The following DTHD1 variants were observed in gnomAD, a reference collection of about 807,000 sequenced individuals.
DTHD1 encodes death domain containing 1.
A neutral mutation model predicts 74.8 loss-of-function variants in DTHD1; 59 were observed. That is an observed-to-expected ratio of 0.79 (90% CI 0.64 to 0.98). The LOEUF is 0.98. DTHD1 is among the 50% of genes least tolerant of loss of function. The pLI, the probability that DTHD1 is intolerant of heterozygous loss-of-function variation, is 0.00. For synonymous variants in DTHD1, 365 were observed against 371.1 expected, an observed-to-expected ratio of 0.98 and a Z score of 0.19; for missense variants, 1,051 against 1,065.4, an observed-to-expected ratio of 0.99 and a Z score of 0.19.
At chr4:36,338,063 C>T (rs73806808) in intron 8 of DTHD1, among the ~76,000 whole-genome samples, 3 of 151,944 alleles carry the variant, frequency 2.0e-5, no homozygotes, top group Admixed American at 6.6e-5. Context: ...ATTTATGCAA[C>T]TACCACATTC....
At chr4:36,314,766 TTTTTGC>T (rs1243000360) in intron 7 of DTHD1, among the ~76,000 whole-genome samples, 1 of 141,026 alleles carries the variant, frequency 7.1e-6, no homozygotes, top group Non-Finnish European at 1.6e-5. Flanking sequence ...TTTTTTTTTT[TTTTTGC>T]ATGCAAATTC....
rs73229054 is a variant in DTHD1, at chr4:36,284,538, T to C, written c.834T>C (p.Thr278=). 1,365 of 1,530,584 alleles carry C rather than the reference T, an allele frequency of 8.9e-4. 2 individuals are homozygous for C. The highest frequency in any genetic ancestry group is 1.1e-3 in the Non-Finnish European group (1,242 of 1,144,838). The allele number at this position is 1,530,584 out of a possible 1,614,324, so 94.8% of individuals were successfully genotyped here. Reference sequence around the variant, plus strand: ...TCTCCAAGAAATATATAAATAGTACTCTTCCCAATGATTCAGAGAATATAA... The same window carrying C: ...TCTCCAAGAAATATATAAATAGTACCCTTCCCAATGATTCAGAGAATATAA... ...CDISKKYINS[T]LPNDSENIKH... The change falls in exon 2 of 10, where the codon ACT becomes ACC. Residue 278 remains threonine, a synonymous_variant. Coordinates refer to ENST00000639862, the MANE Select transcript of DTHD1 (RefSeq NM_001170700.3).
At chr4:36,283,891 C>A in intron 1 of DTHD1, 85 bp from the exon 2 acceptor site, 1 of 968,906 alleles carries the variant, frequency 1.0e-6, no homozygotes, top group East Asian at 2.6e-5. Flanking sequence ...AATTATCTTG[C>A]CATGTTTCAT....
At chr4:36,292,750 G>A (rs1352226640) in intron 3 of DTHD1, among the ~76,000 whole-genome samples, 2 of 152,186 alleles carry the variant, frequency 1.3e-5, no homozygotes, top group African/African-American at 2.4e-5. Flanking sequence ...GATTATCCAC[G>A]CATGCTGGGG....
chr4:36,331,494 A>G (rs775089008), intron 8 of DTHD1, among the ~76,000 whole-genome samples: 2 of 152,146 alleles, frequency 1.3e-5, no homozygotes, highest in East Asian at 1.9e-4. Flanking sequence ...GAAAAATACT[A>G]ATTATATATA....
intron 8 of DTHD1, among the ~76,000 whole-genome samples, chr4:36,327,087 C>T (rs1758395691): frequency 6.6e-6 from 1 of 152,024 alleles, no homozygotes; most frequent in South Asian, 2.1e-4. Context: ...CTGTCTCAGC[C>T]TCCCAAGTAG....
At chr4:36,302,300 A>G (rs746917401) in intron 5 of DTHD1, among the ~76,000 whole-genome samples, 7 of 152,206 alleles carry the variant, frequency 4.6e-5, no homozygotes, top group Non-Finnish European at 8.8e-5. Context: ...AAGACTGAGG[A>G]CTACTTAGAT....
chr4:36,299,778 C>T (rs555382346), intron 5 of DTHD1, among the ~76,000 whole-genome samples: 12 of 152,162 alleles, frequency 7.9e-5, no homozygotes, highest in Non-Finnish European at 1.2e-4. Flanking sequence ...GCAAAAATAA[C>T]GCATACCTTA....
intron 8 of DTHD1, among the ~76,000 whole-genome samples, chr4:36,324,111 A>C (rs1267947442): frequency 6.6e-6 from 1 of 152,154 alleles, no homozygotes; most frequent in Non-Finnish European, 1.5e-5. Flanking sequence ...AACCAGTTTA[A>C]TGAGAAGAGA....
intron 7 of DTHD1, among the ~76,000 whole-genome samples, chr4:36,313,257 A>G (rs1014047773): frequency 2.6e-5 from 4 of 152,198 alleles, no homozygotes; most frequent in African/African-American, 9.7e-5. Flanking sequence ...TATTTACTAA[A>G]TAGCTACTAT....
At chr4:36,297,384 G>C (rs763013734) in intron 5 of DTHD1, among the ~76,000 whole-genome samples, 1 of 152,042 alleles carries the variant, frequency 6.6e-6, no homozygotes, top group Non-Finnish European at 1.5e-5. Flanking sequence ...GGAGTACAGC[G>C]TAATCTTGCA....
intron 4 of DTHD1, among the ~76,000 whole-genome samples, 163 bp from the exon 5 acceptor site, chr4:36,294,632 A>G (rs1003370127): frequency 6.6e-6 from 1 of 152,020 alleles, no homozygotes; most frequent in Non-Finnish European, 1.5e-5. Flanking sequence ...TCTTTTATAT[A>G]TTATAAATAT....
intron 8 of DTHD1, among the ~76,000 whole-genome samples, chr4:36,328,468 C>A (rs189664281): frequency 2.8e-4 from 42 of 152,126 alleles, no homozygotes; most frequent in Admixed American, 4.6e-4. Context: ...AGAAAAAAAA[C>A]CGTGTGTGTG....
chr4:36,306,116 T>G, intron 5 of DTHD1, 75 bp from the exon 6 acceptor site: 1 of 1,296,454 alleles, frequency 7.7e-7, no homozygotes, highest in Non-Finnish European at 1.1e-6. Context: ...TCATTCACAA[T>G]GAAAGAATGA....
intron 7 of DTHD1, among the ~76,000 whole-genome samples, chr4:36,309,090 T>C (rs995208785): frequency 6.6e-6 from 1 of 152,252 alleles, no homozygotes; most frequent in East Asian, 1.9e-4. Flanking sequence ...TGAGAATCAA[T>C]GGACAGTTTT....
chr4:36,296,391 T>C (rs993881100), intron 5 of DTHD1, among the ~76,000 whole-genome samples: 2 of 152,214 alleles, frequency 1.3e-5, no homozygotes, highest in East Asian at 3.9e-4. Flanking sequence ...AAGCAAGTAT[T>C]ATTCTTATTT....
intron 7 of DTHD1, chr4:36,315,558 T>C (rs1757662542): frequency 6.6e-6 from 1 of 152,250 alleles, no homozygotes; most frequent in Admixed American, 6.5e-5. Flanking sequence ...CCACATGTTA[T>C]AGGAGAGTGC....
chr4:36,320,608 A>G (rs959565983), intron 8 of DTHD1, among the ~76,000 whole-genome samples: 1 of 152,212 alleles, frequency 6.6e-6, no homozygotes, highest in Non-Finnish European at 1.5e-5. Flanking sequence ...TTGTGCCCAA[A>G]GTCTTCAGAA....
At chr4:36,309,168 G>T (rs1007637237) in intron 7 of DTHD1, among the ~76,000 whole-genome samples, 4 of 152,222 alleles carry the variant, frequency 2.6e-5, no homozygotes, top group Admixed American at 6.5e-5. Flanking sequence ...TGGGTGTGTG[G>T]CTCACGCCTG....
Sources: allele counts gnomAD v4.1 joint callset (sites outside exome capture counted in the v4.1 genomes callset), GRCh38; gene constraint gnomAD v4.1.1; transcripts MANE v1.5; gene names NCBI Gene and HGNC (gene_info 2026-07-23, HGNC 2026-07-21).